Variants in NFATC3 observed in about 807,000 individuals in gnomAD.
NFATC3 encodes nuclear factor of activated T cells 3.
A neutral mutation model predicts 98.6 loss-of-function variants in NFATC3; 46 were observed. The observed-to-expected ratio is 0.47, with a 90% CI of 0.37 to 0.60. The LOEUF (loss-of-function observed/expected upper bound fraction) is 0.60. NFATC3 is among the 20% of genes least tolerant of loss of function. The pLI is 0.00. For missense variants in NFATC3, 1,256 were observed against 1,295.5 expected (o/e 0.97, Z 0.47); for synonymous variants, 512 against 472.2 (o/e 1.08, Z -1.09).
Position 68,174,560 on chromosome 16 carries a change from G to A in NFATC3, c.1915+46G>A, listed in dbSNP as rs200685655. On this transcript the variant is annotated intron_variant, in intron 6 of 9. Transcript: ENST00000346183. ...TTGACTTCAAACTAAGGGGCAAAGG[G>A]TAAAATAAATTATTTAGATGTTTCT... 2,719 of 1,395,222 alleles carry A rather than the reference G, an allele frequency of 1.9e-3. 2 individuals carry two copies. Among genetic ancestry groups the A allele is most frequent in the Admixed American group, 3.2e-3 (124 of 38,898 alleles). 86.4% of individuals were successfully genotyped at this position (1,395,222 alleles called of 1,614,324 possible).
rs2034552884 is a variant in NFATC3 at position 68,088,907 on chromosome 16, C to G, written c.103+3123C>G. 7.8e-6 allele frequency: 7 copies of G among 902,646 alleles called. No individual in the cohort carries two copies. In the South Asian group the frequency reaches 3.6e-4, roughly 46 times the overall value. 55.9% of individuals were successfully genotyped at this position (902,646 alleles called of 1,614,324 possible). On this transcript the variant is annotated intron_variant, in intron 1 of 9. Transcript: ENST00000346183. ...GGCTAGTCTGGAACTCCTGGGCTCT[C>G]CTGTTCTGGCTTCCCAAAATGCTGG... is the stretch of plus-strand genomic sequence containing the variant.
intron 2 of NFATC3, among the ~76,000 whole-genome samples, chr16:68,124,159 TG>T (rs1031288217): frequency 6.6e-6 from 1 of 152,112 alleles, no homozygotes; most frequent in Non-Finnish European, 1.5e-5. Flanking sequence ...TGGAGTGCAG[TG>T]GGGTAATCAT....
chr16:68,169,248 A>G (rs2039350438), intron 5 of NFATC3, among the ~76,000 whole-genome samples: 1 of 152,182 alleles, frequency 6.6e-6, no homozygotes, highest in African/African-American at 2.4e-5. Flanking sequence ...GTAAGCATAG[A>G]TCACTCTATT....
chr16:68,207,740 G>T (rs2041210317), intron 9 of NFATC3, among the ~76,000 whole-genome samples: 1 of 152,068 alleles, frequency 6.6e-6, no homozygotes. Context: ...GGGATTGCAG[G>T]CGTGAGCCAC....
chr16:68,223,090 G>A (rs1455350818), intron 9 of NFATC3, among the ~76,000 whole-genome samples: 1 of 152,200 alleles, frequency 6.6e-6, no homozygotes, highest in Non-Finnish European at 1.5e-5. Context: ...ATATTCTTAT[G>A]CAAAGCATCC....
chr16:68,226,293 A>G (rs933296773), intron 9 of NFATC3, 57 bp from the exon 10 acceptor site: 4 of 1,527,682 alleles, frequency 2.6e-6, no homozygotes, highest in South Asian at 1.3e-5. Context: ...AGCGTTGGGC[A>G]TCATATGGCT....
chr16:68,133,486 C>T (rs556942099), intron 3 of NFATC3, among the ~76,000 whole-genome samples: 104 of 152,158 alleles, frequency 6.8e-4, no homozygotes, highest in African/African-American at 1.9e-3. Flanking sequence ...AGTTGTACAA[C>T]GCAATGAATA....
chr16:68,116,403 G>A (rs2036282253), intron 1 of NFATC3, among the ~76,000 whole-genome samples: 1 of 152,150 alleles, frequency 6.6e-6, no homozygotes, highest in Admixed American at 6.5e-5. Flanking sequence ...AACTTGGGTT[G>A]TCCAGATTAC....
At chr16:68,116,850 AT>A (rs1356290896) in intron 1 of NFATC3, among the ~76,000 whole-genome samples, 1 of 147,666 alleles carries the variant, frequency 6.8e-6, no homozygotes, top group Non-Finnish European at 1.5e-5. Context: ...AATTTTTCCT[AT>A]TTAATCAAGT....
At chr16:68,088,808 A>G in intron 1 of NFATC3, 1 of 207,084 alleles carries the variant, frequency 4.8e-6, no homozygotes, top group Non-Finnish European at 8.4e-6. Context: ...TGGTGGGATT[A>G]CAGGCATGGG....
intron 5 of NFATC3, among the ~76,000 whole-genome samples, chr16:68,170,887 G>A (rs185107840): frequency 2.9e-5 from 3 of 101,956 alleles, no homozygotes; most frequent in Admixed American, 9.4e-5. Context: ...GTTTTATATC[G>A]TTTTGCAGTT....
chr16:68,170,174 C>T (rs1567531736), intron 5 of NFATC3, among the ~76,000 whole-genome samples: 3 of 151,910 alleles, frequency 2.0e-5, no homozygotes, highest in East Asian at 3.9e-4. Context: ...GGGCAGATCA[C>T]GACGTCAAGA....
intron 5 of NFATC3, among the ~76,000 whole-genome samples, chr16:68,168,139 A>G (rs1418099522): frequency 7.0e-6 from 1 of 143,092 alleles, no homozygotes; most frequent in Non-Finnish European, 1.5e-5. Flanking sequence ...GGCCAAACAC[A>G]TGTATTCTTT....
intron 1 of NFATC3, among the ~76,000 whole-genome samples, chr16:68,097,018 A>G (rs2035053173): frequency 6.6e-6 from 1 of 152,136 alleles, no homozygotes; most frequent in African/African-American, 2.4e-5. Flanking sequence ...TTGAGAAATG[A>G]TAAGGGTAGA....
chr16:68,201,922 C>T (rs1313191913), intron 9 of NFATC3, among the ~76,000 whole-genome samples: 1 of 119,382 alleles, frequency 8.4e-6, no homozygotes, highest in Admixed American at 1.0e-4. Context: ...GGCACCACTG[C>T]ACTCCAGCCT....
chr16:68,133,950 T>C (rs1420755612), intron 3 of NFATC3, among the ~76,000 whole-genome samples: 2 of 152,034 alleles, frequency 1.3e-5, no homozygotes, highest in African/African-American at 4.8e-5. Context: ...TCTGGGAGTG[T>C]AGTTACTGAT....
At chr16:68,106,265 A>G (rs2151472413) in intron 1 of NFATC3, among the ~76,000 whole-genome samples, 1 of 152,060 alleles carries the variant, frequency 6.6e-6, no homozygotes, top group African/African-American at 2.4e-5. Flanking sequence ...ACGTTGTGCT[A>G]AAGTAGTGTT....
chr16:68,124,494 G>A (rs1170606886), intron 2 of NFATC3, among the ~76,000 whole-genome samples: 3 of 149,748 alleles, frequency 2.0e-5, no homozygotes, highest in Non-Finnish European at 3.0e-5. Flanking sequence ...GTGCAATGGC[G>A]CGATCTCGGC....
chr16:68,113,463 CCT>C (rs1394367989), intron 1 of NFATC3, among the ~76,000 whole-genome samples: 1 of 152,236 alleles, frequency 6.6e-6, no homozygotes, highest in East Asian at 1.9e-4. Context: ...GCTGCCTCCT[CCT>C]CTGGGAGCTT....
Sources: allele counts gnomAD v4.1 joint callset (sites outside exome capture counted in the v4.1 genomes callset), GRCh38; gene constraint gnomAD v4.1.1; transcripts MANE v1.5; gene names NCBI Gene and HGNC (gene_info 2026-07-23, HGNC 2026-07-21).